THSD7A: variants seen among roughly 807,000 people sequenced by gnomAD.
THSD7A encodes thrombospondin type-1 domain-containing protein 7A.
A neutral mutation model predicts 231.3 loss-of-function variants in THSD7A; 96 were observed. The observed-to-expected ratio is 0.41, with a 90% confidence interval of 0.35 to 0.49. The LOEUF (loss-of-function observed/expected upper bound fraction) is 0.49, where lower values mean the gene tolerates loss of function less well. Ranked by LOEUF, THSD7A falls within the 20% of genes least tolerant of loss-of-function variation. The probability of loss-of-function intolerance (pLI) is 0.05; values close to 1 mark genes in which losing one functional copy is unlikely to be tolerated. For synonymous variants in THSD7A, 940 were observed against 743.3 expected (o/e 1.26, Z -4.30); for missense variants, 2,290 against 2,070.2 (o/e 1.11, Z -2.06).
intron 11 of THSD7A, 44 bp downstream of exon 11, chr7:11,460,618 A>C (rs1260287511): frequency 5.3e-6 from 8 of 1,505,000 alleles, no homozygotes; most frequent in Middle Eastern, 1.8e-4. Flanking sequence ...CAGTAGTTAA[A>C]CTAGCGATGC....
Position 11,814,437 on chromosome 7 carries a change from T to C in THSD7A, c.190+17320A>G, listed in dbSNP as rs950841641. 6.6e-6 allele frequency among the ~76,000 whole-genome samples: 1 copy of C among 152,122 alleles called. No individual in the cohort carries two copies. Among genetic ancestry groups the C allele is most frequent in the Non-Finnish European group, 1.5e-5 (1 of 68,024 alleles). On this transcript the variant is annotated intron_variant, in intron 1 of 27. Transcript: ENST00000423059. This position sits in a 1 kb window ranked among gnomAD's most constrained non-coding sequence, Gnocchi z 5.1. ...ATTTTTCATAAAATACTCAAAATAA[T>C]TTAGCTTTTAGACGATGCTATCAGG...
At chr7:11,638,496 G>A (rs896600977) in intron 1 of THSD7A, among the ~76,000 whole-genome samples, 5 of 152,306 alleles carry the variant, frequency 3.3e-5, no homozygotes, top group South Asian at 2.1e-4. Context: ...GATGTTTAAA[G>A]TTTGTTGAGA....
rs1268067813 is a variant in THSD7A at position 11,446,533 on chromosome 7, A to G, written c.2801-209T>C. ...GGGTGCTTTGCATAGTAAAATTTGT[A>G]TTATTTTTTCAGAACACTATTTTTC... is the stretch of plus-strand genomic sequence containing the variant. On this transcript the variant is annotated intron_variant, in intron 12 of 27. Coordinates refer to ENST00000423059, the MANE Select transcript of THSD7A (RefSeq NM_015204.3). The surrounding 1 kb of genome is among the most constrained non-coding windows in gnomAD (Gnocchi z 4.0). Among the ~76,000 whole-genome samples, 1 of 152,072 alleles carries G rather than the reference A, an allele frequency of 6.6e-6. No homozygotes were observed. The highest frequency in any genetic ancestry group is 1.5e-5 in the Non-Finnish European group (1 of 67,990).
At chr7:11,546,819 G>A (rs75464368) in intron 4 of THSD7A, among the ~76,000 whole-genome samples, 3,365 of 151,996 alleles carry the variant, frequency 0.022, 109 homozygotes, top group African/African-American at 0.077. Flanking sequence ...GAAATCTAAG[G>A]AATCCAGTAA....
In THSD7A at chr7:11,375,475, G is replaced by A. The variant is rs1031829929; in HGVS notation, c.*319C>T. 5 of 213,246 alleles carry A rather than the reference G, an allele frequency of 2.3e-5. No individual in the cohort carries two copies. The highest frequency in any genetic ancestry group is 5.5e-5 in the Admixed American group (1 of 18,298). 13.2% of individuals were successfully genotyped at this position (213,246 alleles called of 1,614,324 possible). The stretch of plus-strand genomic sequence containing the variant: ...CGGTCTTGTATCAGGCATCCTAACT[G>A]GCCAATTCCACCATTATTTTTTAGA... On this transcript the variant is annotated 3_prime_UTR_variant, in exon 28 of 28. Transcript: ENST00000423059.
At chr7:11,551,968 A>T (rs1396121654) in intron 4 of THSD7A, among the ~76,000 whole-genome samples, 1 of 152,122 alleles carries the variant, frequency 6.6e-6, no homozygotes, top group African/African-American at 2.4e-5. Context: ...AGTGAACTGG[A>T]TAAAGAAAAT....
Position 11,405,547 on chromosome 7 carries a change from T to A in THSD7A, c.4237+753A>T, listed in dbSNP as rs144403139. On this transcript the variant is annotated intron_variant, in intron 22 of 27. Transcript: ENST00000423059. Reference sequence around the variant, plus strand: ...CCCCTATCTATACCTTGTTCAAGGATGGGTTTTCTGGCATATTTTGACATT... The same window carrying A: ...CCCCTATCTATACCTTGTTCAAGGAAGGGTTTTCTGGCATATTTTGACATT... Among the ~76,000 whole-genome samples the A allele has an allele frequency of 3.7e-3, 556 of 152,304 alleles. 4 individuals carry two copies. Among genetic ancestry groups the A allele is most frequent in the African/African-American group, 0.013 (522 of 41,568 alleles).
At chr7:11,743,948 C>T (rs1004096109) in intron 1 of THSD7A, among the ~76,000 whole-genome samples, 1 of 151,880 alleles carries the variant, frequency 6.6e-6, no homozygotes, top group Admixed American at 6.6e-5. Context: ...GCACTTACCA[C>T]GTTCTTCCCA....
chr7:11,809,157 A>T (rs946019058), intron 1 of THSD7A, among the ~76,000 whole-genome samples: 2 of 152,188 alleles, frequency 1.3e-5, no homozygotes, highest in Non-Finnish European at 2.9e-5. Flanking sequence ...TGCCTCAAGA[A>T]GTCCACATTT....
intron 9 of THSD7A, among the ~76,000 whole-genome samples, chr7:11,467,678 C>T (rs888475358): frequency 3.3e-5 from 5 of 152,024 alleles, no homozygotes; most frequent in Non-Finnish European, 5.9e-5. Flanking sequence ...TCAGTTTCTT[C>T]ATACTGTAAA....
chr7:11,668,426 GAAAGAAAGA>G (rs745586690), intron 1 of THSD7A, among the ~76,000 whole-genome samples: 6 of 125,236 alleles, frequency 4.8e-5, no homozygotes, highest in Non-Finnish European at 8.7e-5. Flanking sequence ...CTCAAAAAAA[GAAAGAAAGA>G]AAAGAAAGAA....
At chr7:11,576,562 A>G (rs1169986422) in intron 4 of THSD7A, among the ~76,000 whole-genome samples, 1 of 152,220 alleles carries the variant, frequency 6.6e-6, no homozygotes, top group Non-Finnish European at 1.5e-5. Flanking sequence ...GATAGACAGT[A>G]ATTCATACCA....
intron 23 of THSD7A, among the ~76,000 whole-genome samples, chr7:11,387,590 A>G (rs1423833355): frequency 6.6e-6 from 1 of 152,216 alleles, no homozygotes; most frequent in Non-Finnish European, 1.5e-5. Context: ...GTTGCTTATC[A>G]GCTTAAGGAG....
In THSD7A at chr7:11,424,595, T is replaced by C. The variant is rs187397994; in HGVS notation, c.3383+101A>G. ...CTAAAAGCAAAACTGCAGACAATTT[T>C]ATCCAGAAGACTGGGGAGGAGTGAA... On this transcript the variant is annotated intron_variant, in intron 16 of 27. Coordinates refer to ENST00000423059, the MANE Select transcript of THSD7A (RefSeq NM_015204.3). 2.6e-6 allele frequency: 4 copies of C among 1,511,956 alleles called. No homozygotes were observed. The East Asian group carries it at 6.8e-5, about 26-fold the overall frequency. 93.7% of individuals were successfully genotyped at this position (1,511,956 alleles called of 1,614,324 possible).
At chr7:11,731,291 T>C (rs1214570837) in intron 1 of THSD7A, among the ~76,000 whole-genome samples, 4 of 151,606 alleles carry the variant, frequency 2.6e-5, no homozygotes, top group Non-Finnish European at 5.9e-5. Flanking sequence ...AGGTTTCAAC[T>C]TCCTTGAATG....
chr7:11,643,603 G>GCGCACACA (rs1554259053), intron 1 of THSD7A, among the ~76,000 whole-genome samples: 1 of 149,506 alleles, frequency 6.7e-6, no homozygotes. Context: ...ACGCACGCGC[G>GCGCACACA]CACACACACA....
At chr7:11,416,426 T>C (rs1031797252) in intron 17 of THSD7A, among the ~76,000 whole-genome samples, 1 of 152,222 alleles carries the variant, frequency 6.6e-6, no homozygotes, top group Non-Finnish European at 1.5e-5. Flanking sequence ...GCCCAATTAT[T>C]TGATGTAACT....
intron 2 of THSD7A, among the ~76,000 whole-genome samples, chr7:11,611,816 ACACACACACAC>A (rs1780934030): frequency 1.3e-5 from 2 of 149,696 alleles, no homozygotes; most frequent in African/African-American, 5.0e-5. Flanking sequence ...ACACACACAC[ACACACACACAC>A]ACACTATCAT....
At chr7:11,476,797 A>T (rs546273997) in intron 7 of THSD7A, among the ~76,000 whole-genome samples, 1 of 150,326 alleles carries the variant, frequency 6.7e-6, no homozygotes, top group South Asian at 2.1e-4. Context: ...CCTGGTCAAC[A>T]GAGAGAGACT....
Sources: gnomAD v4.1 joint callset for allele counts (sites outside exome capture counted in the v4.1 genomes callset) on GRCh38, gnomAD v4.1.1 for gene constraint, Gnocchi (gnomAD v3.1) non-coding constraint, MANE v1.5 for transcripts, NCBI Gene and HGNC (gene_info 2026-07-23, HGNC 2026-07-21) for gene names.